ABCA13: variants seen among roughly 807,000 people sequenced by gnomAD.
ABCA13 encodes ATP-binding cassette sub-family A member 13.
In ABCA13, 476 loss-of-function variants were observed where a neutral mutation model predicts 478.7. The ratio of observed to expected loss-of-function variants is 0.99; its 90% CI spans 0.92 to 1.07. The LOEUF (loss-of-function observed/expected upper bound fraction) is 1.07. ABCA13 is among the 50% of genes least tolerant of loss of function. The pLI is 0.00. For missense variants in ABCA13, 6,060 were observed against 5,910.6 expected (o/e 1.03, Z -0.83); for synonymous variants, 2,252 against 2,158.9 (o/e 1.04, Z -1.20).
intron 55 of ABCA13, among the ~76,000 whole-genome samples, chr7:48,534,713 TTTTC>T (rs1274013235): frequency 1.3e-5 from 2 of 152,212 alleles, no homozygotes; most frequent in Non-Finnish European, 2.9e-5. Flanking sequence ...TAAAATTCTT[TTTTC>T]TTTGTCTTTG....
intron 1 of ABCA13, 101 bp downstream of exon 1, chr7:48,171,653 C>T: frequency 1.5e-6 from 2 of 1,300,178 alleles, no homozygotes; most frequent in South Asian, 1.3e-5. Flanking sequence ...CAGGTAAAAA[C>T]ACTCATGCTG....
rs1791596541 is a variant in ABCA13 at position 48,245,919 on chromosome 7, T to A, written c.1548T>A (p.Phe516Leu). Reference protein sequence around the residue: ...PNGRFSEKEVFLPPGNSSIWG... With the variant: ...PNGRFSEKEVLLPPGNSSIWG... ...GTCGTTTCTCTGAGAAGGAGGTCTT[T>A]TTGCCGCCTGGAAACTCCAGCATAT... Residue 516 changes from phenylalanine (F) to leucine (L), a missense_variant, in exon 13 of 62, where the codon TTT becomes TTA. This residue lies in a region of ABCA13 where 4,423 missense variants were observed against 4,309.1 expected (regional missense o/e 1.03). Transcript: ENST00000435803. 2 of 1,613,662 alleles carry A rather than the reference T, an allele frequency of 1.2e-6. No individual in the cohort carries two copies. The highest frequency in any genetic ancestry group is 1.7e-6 in the Non-Finnish European group (2 of 1,179,818).
chr7:48,452,252 C>A (rs1488278268), intron 42 of ABCA13, among the ~76,000 whole-genome samples: 1 of 152,122 alleles, frequency 6.6e-6, no homozygotes, highest in Non-Finnish European at 1.5e-5. Flanking sequence ...ATTCTCATTA[C>A]ATAGAGGGAA....
rs370501374 is a variant in ABCA13, at chr7:48,234,052, G to A, written c.798G>A (p.Val266=). 15 of 1,613,998 alleles carry A rather than the reference G, an allele frequency of 9.3e-6. No homozygotes were observed. The highest frequency in any genetic ancestry group is 1.0e-5 in the Non-Finnish European group (12 of 1,179,884). Residue 266 remains valine (V), a synonymous_variant, in exon 8 of 62, where the codon GTG becomes GTA. Transcript: ENST00000435803. The stretch of plus-strand genomic sequence containing the variant: ...ACCACCTGTCCATGCAGAATATAGT[G>A]TGGGATCCACAGAAAGTCCAGTATG... ...PVYHLSMQNI[V]WDPQKVQYDL...
intron 27 of ABCA13, among the ~76,000 whole-genome samples, chr7:48,331,702 A>G (rs910197642): frequency 2.6e-5 from 4 of 152,162 alleles, no homozygotes; most frequent in African/African-American, 9.7e-5. Flanking sequence ...CACAAACAGT[A>G]TTCTGCCATT....
chr7:48,394,293 G>T (rs932872122), intron 38 of ABCA13, among the ~76,000 whole-genome samples: 2 of 152,134 alleles, frequency 1.3e-5, no homozygotes, highest in Non-Finnish European at 2.9e-5. Context: ...AGCCTCTCTT[G>T]CTTTACCTGA....
rs988070292 is a variant in ABCA13, at chr7:48,356,361, C to A, written c.10688+3874C>A. Among the ~76,000 whole-genome samples, 3 of 150,594 alleles carry A rather than the reference C, an allele frequency of 2.0e-5. No individual in the cohort carries two copies. In the East Asian group the frequency reaches 5.8e-4, roughly 29 times the overall value. ...CTCAATGGGAAGAAATGGGAGGTGA[C>A]TTCTTCTTCTTCTTTTGGAAGAAGT... On this transcript the variant is annotated intron_variant, in intron 31 of 61. Coordinates refer to ENST00000435803, the MANE Select transcript of ABCA13 (RefSeq NM_152701.5).
intron 48 of ABCA13, among the ~76,000 whole-genome samples, chr7:48,496,157 C>G (rs1830258251): frequency 6.6e-6 from 1 of 151,984 alleles, no homozygotes; most frequent in Non-Finnish European, 1.5e-5. Flanking sequence ...TATGTTTCCT[C>G]TGTTTCTCTT....
chr7:48,290,940 G>GA (rs57470116), intron 20 of ABCA13, among the ~76,000 whole-genome samples: 522 of 48,722 alleles, frequency 0.011, 5 homozygotes, highest in Non-Finnish European at 0.018. Context: ...CACACTCAGG[G>GA]AAAAAAAAAA....
At chr7:48,464,796 T>G (rs1826683336) in intron 43 of ABCA13, among the ~76,000 whole-genome samples, 1 of 152,160 alleles carries the variant, frequency 6.6e-6, no homozygotes, top group African/African-American at 2.4e-5. Flanking sequence ...CATTGTGCCC[T>G]TTCCTCAAGG....
chr7:48,320,612 A>T (rs1202288895), intron 27 of ABCA13, among the ~76,000 whole-genome samples: 1 of 152,258 alleles, frequency 6.6e-6, no homozygotes, highest in Non-Finnish European at 1.5e-5. Context: ...ATTGAAGAAC[A>T]ATGTGTAGAC....
intron 48 of ABCA13, among the ~76,000 whole-genome samples, chr7:48,493,526 G>A (rs1177127937): frequency 6.6e-6 from 1 of 152,128 alleles, no homozygotes; most frequent in East Asian, 1.9e-4. Flanking sequence ...AAATGAAAAG[G>A]GATAAAGTAT....
At chr7:48,200,768 G>A (rs1273656694) in intron 3 of ABCA13, among the ~76,000 whole-genome samples, 2 of 152,156 alleles carry the variant, frequency 1.3e-5, no homozygotes, top group East Asian at 1.9e-4. Flanking sequence ...GATTTCATGC[G>A]TTTTCATATT....
intron 27 of ABCA13, among the ~76,000 whole-genome samples, chr7:48,322,679 C>A (rs943981731): frequency 5.9e-5 from 9 of 152,210 alleles, no homozygotes; most frequent in Non-Finnish European, 1.5e-5. Flanking sequence ...TAAGAAGTAT[C>A]TTCTCTCCTC....
At chr7:48,398,899 C>A (rs1200112114) in intron 38 of ABCA13, among the ~76,000 whole-genome samples, 1 of 152,012 alleles carries the variant, frequency 6.6e-6, no homozygotes, top group African/African-American at 2.4e-5. Context: ...AAATCAGTAG[C>A]AAAGGTGGAA....
chr7:48,359,434 C>G (rs1810470024), intron 31 of ABCA13, among the ~76,000 whole-genome samples: 1 of 152,048 alleles, frequency 6.6e-6, no homozygotes, highest in African/African-American at 2.4e-5. Context: ...GCAGCGGAGA[C>G]AGAGCTAGCA....
intron 39 of ABCA13, among the ~76,000 whole-genome samples, chr7:48,407,966 G>T (rs1014170047): frequency 6.6e-6 from 1 of 152,142 alleles, no homozygotes; most frequent in African/African-American, 2.4e-5. Context: ...ATCTTCAGGG[G>T]TCTTAGAACC....
At chr7:48,302,061 A>G (rs2128857786) in intron 23 of ABCA13, among the ~76,000 whole-genome samples, 1 of 152,256 alleles carries the variant, frequency 6.6e-6, no homozygotes, top group East Asian at 1.9e-4. Context: ...CTCTTCTTTC[A>G]CAGATGAATG....
At chr7:48,445,595 G>A (rs980705444) in intron 42 of ABCA13, among the ~76,000 whole-genome samples, 1 of 152,080 alleles carries the variant, frequency 6.6e-6, no homozygotes, top group African/African-American at 2.4e-5. Context: ...TTCAGTACGT[G>A]ATTTATTTGA....
Sources: gnomAD v4.1 joint callset for allele counts (sites outside exome capture counted in the v4.1 genomes callset) on GRCh38, gnomAD v4.1.1 for gene constraint, gnomAD v4.1.1 regional missense constraint, MANE v1.5 for transcripts, NCBI Gene and HGNC (gene_info 2026-07-23, HGNC 2026-07-21) for gene names.